ME3: variants seen among roughly 807,000 people sequenced by gnomAD.
The protein encoded by ME3 is NADP-dependent malic enzyme, mitochondrial.
In ME3, 48 loss-of-function variants were observed where a neutral mutation model predicts 68.9. That is an observed-to-expected ratio of 0.70 (90% CI 0.55 to 0.89). The LOEUF (loss-of-function observed/expected upper bound fraction) is 0.89, where lower values mean the gene tolerates loss of function less well. Among genes scored for constraint, ME3 ranks in the 40% least tolerant of loss-of-function variants. ME3 has a pLI of 0.00. For synonymous variants in ME3, 320 were observed against 318.8 expected (o/e 1.00, Z -0.04); for missense variants, 675 against 797.4 (o/e 0.85, Z 1.85).
chr11:86,568,092 G>A (rs1957587700), intron 2 of ME3, among the ~76,000 whole-genome samples: 1 of 152,104 alleles, frequency 6.6e-6, no homozygotes, highest in African/African-American at 2.4e-5. Flanking sequence ...ATATTATCTG[G>A]TTTTAACAAA....
exon 11 of ME3, chr11:86,448,150 C>G: frequency 1.2e-6 from 2 of 1,610,402 alleles, no homozygotes; most frequent in Non-Finnish European, 1.7e-6. Flanking sequence ...CTCCTCCTAC[C>G]TATGATGGCT....
chr11:86,621,347 G>A (rs566754563), intron 2 of ME3, among the ~76,000 whole-genome samples: 48 of 152,202 alleles, frequency 3.2e-4, no homozygotes, highest in African/African-American at 1.1e-3. Context: ...AATAATTAAG[G>A]TCAGCTACAT....
intron 2 of ME3, among the ~76,000 whole-genome samples, chr11:86,607,461 T>TG (rs1484535721): frequency 1.9e-4 from 29 of 150,924 alleles, no homozygotes; most frequent in Non-Finnish European, 3.5e-4. Flanking sequence ...AGTTTTTTTT[T>TG]TTTTTTTTTT....
intron 5 of ME3, among the ~76,000 whole-genome samples, chr11:86,508,501 A>G (rs1953251223): frequency 6.6e-6 from 1 of 152,202 alleles, no homozygotes; most frequent in African/African-American, 2.4e-5. Context: ...CTCTGCGTCT[A>G]CCATGGAAAC....
At chr11:86,450,602 G>A (rs901680490) in intron 8 of ME3, among the ~76,000 whole-genome samples, 5 of 152,232 alleles carry the variant, frequency 3.3e-5, no homozygotes, top group Admixed American at 1.3e-4. Context: ...TTGAGAAACA[G>A]CTCCTGATTT....
chr11:86,559,432 G>A (rs1957091296), intron 3 of ME3, among the ~76,000 whole-genome samples: 1 of 152,066 alleles, frequency 6.6e-6, no homozygotes, highest in South Asian at 2.1e-4. Context: ...ACTTCCCAGA[G>A]GCCCTTCCAG....
chr11:86,616,886 C>T (rs1464073987), intron 2 of ME3, among the ~76,000 whole-genome samples: 1 of 152,006 alleles, frequency 6.6e-6, no homozygotes, highest in African/African-American at 2.4e-5. Flanking sequence ...GAGTTTAGTT[C>T]ATAGTCATGT....
At chr11:86,644,312 C>A (rs1248484091) in intron 2 of ME3, among the ~76,000 whole-genome samples, 1 of 152,216 alleles carries the variant, frequency 6.6e-6, no homozygotes, top group Non-Finnish European at 1.5e-5. Flanking sequence ...CTCTTCCAAT[C>A]TGTTCTCCAT....
chr11:86,622,799 CA>C (rs746142786), intron 2 of ME3: 1 of 151,976 alleles, frequency 6.6e-6, no homozygotes, highest in Non-Finnish European at 1.5e-5. Context: ...GTTCATCCAT[CA>C]AGATTGTCTT....
At chr11:86,540,263 T>TTTG (rs1031122259) in intron 4 of ME3, among the ~76,000 whole-genome samples, 2 of 152,164 alleles carry the variant, frequency 1.3e-5, no homozygotes, top group African/African-American at 2.4e-5. Flanking sequence ...GCATGCTTTT[T>TTTG]TTGTTGTTGT....
intron 5 of ME3, among the ~76,000 whole-genome samples, chr11:86,506,791 T>G (rs561495102): frequency 6.6e-6 from 1 of 152,298 alleles, no homozygotes; most frequent in Admixed American, 6.5e-5. Flanking sequence ...GTGAAAGAGA[T>G]AACTTTACAG....
chr11:86,638,799 T>C (rs1437377814), intron 2 of ME3, among the ~76,000 whole-genome samples: 3 of 152,196 alleles, frequency 2.0e-5, no homozygotes, highest in Non-Finnish European at 4.4e-5. Context: ...CTTCCCAAGA[T>C]CACACTGCTA....
At chr11:86,479,086 C>G (rs949641915) in intron 7 of ME3, among the ~76,000 whole-genome samples, 1 of 152,060 alleles carries the variant, frequency 6.6e-6, no homozygotes, top group African/African-American at 2.4e-5. Context: ...TCACCCTCAC[C>G]CCATATGGGC....
intron 2 of ME3, among the ~76,000 whole-genome samples, chr11:86,671,018 A>G (rs987447686): frequency 6.6e-6 from 1 of 152,162 alleles, no homozygotes; most frequent in Non-Finnish European, 1.5e-5. Context: ...AATCCTCTGA[A>G]CCAAAGATAC....
intron 6 of ME3, among the ~76,000 whole-genome samples, chr11:86,488,217 G>T (rs1951807210): frequency 6.6e-6 from 1 of 152,158 alleles, no homozygotes; most frequent in Admixed American, 6.5e-5. Context: ...TTGAGACATT[G>T]CCAAAGGTCT....
intron 4 of ME3, among the ~76,000 whole-genome samples, chr11:86,509,660 G>A (rs528312862): frequency 2.8e-4 from 42 of 151,876 alleles, no homozygotes; most frequent in African/African-American, 9.4e-4. Flanking sequence ...AAGAGGGGGT[G>A]GGTTCTGGAA....
At chr11:86,475,874 T>TATATATATATAGAGAGAG in intron 7 of ME3, among the ~76,000 whole-genome samples, 71 of 91,462 alleles carry the variant, frequency 7.8e-4, no homozygotes, top group Non-Finnish European at 1.0e-3. Flanking sequence ...TATATATATA[T>TATATATATATAGAGAGAG]AGAGAGAGAG....
At chr11:86,617,234 G>A (rs1943039434) in intron 2 of ME3, among the ~76,000 whole-genome samples, 1 of 150,988 alleles carries the variant, frequency 6.6e-6, no homozygotes, top group African/African-American at 2.4e-5. Context: ...GGGGATTGTA[G>A]GTTTTGAAAA....
chr11:86,559,157 T>C (rs1263624689), intron 3 of ME3, among the ~76,000 whole-genome samples: 1 of 152,176 alleles, frequency 6.6e-6, no homozygotes, highest in African/African-American at 2.4e-5. Flanking sequence ...GGAGGAGAAC[T>C]CACAGAGGAG....
Sources: allele counts gnomAD v4.1 joint callset (sites outside exome capture counted in the v4.1 genomes callset), GRCh38; gene constraint gnomAD v4.1.1; transcripts MANE v1.5; gene names NCBI Gene and HGNC (gene_info 2026-07-23, HGNC 2026-07-21).